The following SARAF variants were observed in gnomAD, a reference collection of about 807,000 sequenced individuals.
SARAF encodes the protein store-operated calcium entry-associated regulatory factor.
Under a neutral mutation model 39.7 loss-of-function variants are expected in SARAF, and 23 were observed. The observed-to-expected ratio is 0.58, with a 90% confidence interval of 0.42 to 0.82. SARAF has a LOEUF of 0.82. Among genes scored for constraint, SARAF ranks in the 40% least tolerant of loss-of-function variants. The pLI is 0.00. For missense variants in SARAF, 384 were observed against 418.5 expected (o/e 0.92, Z 0.72); for synonymous variants, 175 against 168.5 (o/e 1.04, Z -0.30).
At chr8:30,077,318 T>A (rs1801991168) in intron 1 of SARAF, among the ~76,000 whole-genome samples, 1 of 151,808 alleles carries the variant, frequency 6.6e-6, no homozygotes. Flanking sequence ...ATTAGCCAGG[T>A]ATGGTGGCAC....
At position 30,083,062 on chromosome 8, in the gene SARAF, AC is replaced by A; in HGVS notation, c.-114del. 1.4e-6 allele frequency: 1 copy of A among 737,174 alleles called. No homozygotes were observed. The highest frequency in any genetic ancestry group is 3.3e-5 in the East Asian group (1 of 30,492). 45.7% of individuals were successfully genotyped at this position (737,174 alleles called of 1,614,324 possible). ...CGCTACCCCTGGCGGCGGCGAAGGA[AC>A]GGCCCGACTGCAGAGCTGCAGCCGC... On this transcript the variant is annotated 5_prime_UTR_variant, in exon 1 of 6. Coordinates refer to ENST00000256255, the MANE Select transcript of SARAF (RefSeq NM_016127.6).
chr8:30,079,177 AAAG>A (rs1199818139), intron 1 of SARAF, among the ~76,000 whole-genome samples: 2 of 151,578 alleles, frequency 1.3e-5, no homozygotes, highest in Non-Finnish European at 2.9e-5. Context: ...AAAAAAAAAA[AAAG>A]ATTATAATCA....
rs201788585 is a variant in SARAF at position 30,066,864 on chromosome 8, C to G, written c.755G>C (p.Gly252Ala). 5.6e-6 allele frequency: 9 copies of G among 1,614,122 alleles called. No homozygotes were observed. In the Admixed American group the frequency reaches 1.3e-4, roughly 24 times the overall value. The part of the protein sequence containing the change: ...ATSGFGSAFT[G>A]QQGYENSGPG... Reference sequence around the variant, plus strand: ...TCCTGAATTTTCATATCCTTGTTGTCCTGTAAAAGCACTGCCAAAACCAGA... The same window carrying G: ...TCCTGAATTTTCATATCCTTGTTGTGCTGTAAAAGCACTGCCAAAACCAGA... The change falls in exon 4 of 6, where the codon GGA becomes GCA. Residue 252 changes from glycine to alanine, a missense_variant. Physicochemically the swap from Gly to Ala is moderately conservative, Grantham distance 60. Transcript: ENST00000256255.
At chr8:30,078,088 C>A (rs1802009811) in intron 1 of SARAF, 1 of 241,842 alleles carries the variant, frequency 4.1e-6, no homozygotes, top group Non-Finnish European at 7.6e-6. Flanking sequence ...TGCAGCGAGC[C>A]GAGATGGTGC....
At position 30,066,813 on chromosome 8, in the gene SARAF, G is replaced by A; in HGVS notation, c.806C>T (p.Thr269Ile). Residue 269 changes from threonine (T) to isoleucine (I), a missense_variant, in exon 4 of 6, where the codon ACT becomes ATT. By Grantham distance (89) the Thr-to-Ile change is moderately conservative. Transcript: ENST00000256255. ...SGPGFWTGLG[T>I]GGILGYLFGS... is the part of the protein sequence containing the mutation. ...AAACAAATATCCTAGTATTCCACCAGTTCCCAAGCCTGTCCAGAACCCTGG... is the reference window on the plus strand; with the variant it reads ...AAACAAATATCCTAGTATTCCACCAATTCCCAAGCCTGTCCAGAACCCTGG... 6.2e-7 allele frequency: 1 copy of A among 1,614,132 alleles called. No individual in the cohort carries two copies.
At chr8:30,068,759 C>T (rs948775332) in intron 3 of SARAF, among the ~76,000 whole-genome samples, 1 of 152,078 alleles carries the variant, frequency 6.6e-6, no homozygotes, top group African/African-American at 2.4e-5. Flanking sequence ...ACCGGAAATA[C>T]ATTTTATATA....
At chr8:30,078,123 G>A (rs1802010758) in intron 1 of SARAF, 1 of 332,192 alleles carries the variant, frequency 3.0e-6, no homozygotes, top group African/African-American at 2.7e-5. Context: ...CTGGGGGACA[G>A]AGCTAGACTC....
rs749189976 is a variant in SARAF at position 30,069,736 on chromosome 8, TG to T, written c.605del (p.Pro202HisfsTer72). 1.2e-6 allele frequency: 2 copies of T among 1,613,974 alleles called. No homozygotes were observed. The highest frequency in any genetic ancestry group is 2.2e-5 in the South Asian group (2 of 91,060). Reference protein sequence around the residue: ...LFLSDGQYSPPPYSEYPPFSH... With the variant: ...LFLSDGQYSPXPYSEYPPFSH... ...AAAATGGAGGATACTCAGAGTACGG[TG>T]GAGGAGAATACTGCCCGTCACTCAG... On this transcript the variant is annotated frameshift_variant, in exon 3 of 6. Coordinates refer to ENST00000256255, the MANE Select transcript of SARAF (RefSeq NM_016127.6). LOFTEE classifies it high-confidence loss of function.
intron 1 of SARAF, among the ~76,000 whole-genome samples, chr8:30,081,375 G>A (rs1017583429): frequency 6.6e-6 from 1 of 151,924 alleles, no homozygotes; most frequent in Non-Finnish European, 1.5e-5. Context: ...ATTTATTTAC[G>A]AACTGATTCA....
At chr8:30,064,553 A>ATTTTTTTTTTTT (rs1213352789) in intron 5 of SARAF, among the ~76,000 whole-genome samples, 3 of 47,672 alleles carry the variant, frequency 6.3e-5, no homozygotes, top group East Asian at 8.3e-4. Flanking sequence ...ATATATATAT[A>ATTTTTTTTTTTT]TATATATATT....
chr8:30,080,636 TTAATA>T (rs1455567276), intron 1 of SARAF, among the ~76,000 whole-genome samples: 3 of 152,234 alleles, frequency 2.0e-5, no homozygotes, highest in African/African-American at 7.2e-5. Flanking sequence ...GAAGAGTAAC[TTAATA>T]TAAGATTACA....
At position 30,065,604 on chromosome 8, in the gene SARAF, A is replaced by C. The variant is rs74419484; in HGVS notation, c.994+384T>G. 166 of 212,372 alleles carry C rather than the reference A, an allele frequency of 7.8e-4. 1 individual carries two copies. The East Asian group carries it at 0.017, about 22-fold the overall frequency. 13.2% of individuals were successfully genotyped at this position (212,372 alleles called of 1,614,324 possible). ...CTCTGAGCATTCCAATAAACATTAC[A>C]ATCATATTTTTGAAAATTAAAGTAT... On this transcript the variant is annotated intron_variant, in intron 5 of 5. Coordinates refer to ENST00000256255, the MANE Select transcript of SARAF (RefSeq NM_016127.6).
intron 2 of SARAF, among the ~76,000 whole-genome samples, chr8:30,073,009 A>G (rs1423113192): frequency 6.6e-6 from 1 of 152,220 alleles, no homozygotes; most frequent in Non-Finnish European, 1.5e-5. Context: ...TCTAAAAGTC[A>G]TAAGTAAAGT....
At position 30,065,582 on chromosome 8, in the gene SARAF, T is replaced by A. The variant is rs960003338; in HGVS notation, c.994+406A>T. The A allele has an allele frequency of 3.2e-5, 6 of 186,612 alleles. No homozygotes were observed. The East Asian group carries it at 8.5e-4, about 26-fold the overall frequency. The allele number at this position is 186,612 out of a possible 1,614,324, so 11.6% of individuals were successfully genotyped here. A position where few individuals can be genotyped will look rare whatever the true frequency, so the allele number is the denominator to read the frequency against. ...TCTTTGCTTTTTACAAAATATCCTC[T>A]GAGCATTCCAATAAACATTACAATC... On this transcript the variant is annotated intron_variant, in intron 5 of 5. Coordinates refer to ENST00000256255, the MANE Select transcript of SARAF (RefSeq NM_016127.6).
intron 1 of SARAF, 89 bp from the exon 2 acceptor site, chr8:30,074,144 ATGCCTTTCT>A (rs1801906484): frequency 5.6e-6 from 8 of 1,436,538 alleles, no homozygotes; most frequent in Non-Finnish European, 7.6e-6. Flanking sequence ...GTCATAGGAA[ATGCCTTTCT>A]TGCCTTCTGA....
At chr8:30,066,606 C>T (rs1156740419) in intron 4 of SARAF, among the ~76,000 whole-genome samples, 171 bp downstream of exon 4, 1 of 152,166 alleles carries the variant, frequency 6.6e-6, no homozygotes, top group Non-Finnish European at 1.5e-5. Context: ...ATAACATACA[C>T]AATACTGATC....
chr8:30,069,943 C>T lies in SARAF; in HGVS notation c.399G>A (p.Glu133=), dbSNP rs1221264277. The T allele has an allele frequency of 1.9e-6, 3 of 1,613,788 alleles. No homozygotes were observed. The highest frequency in any genetic ancestry group is 2.7e-5 in the African/African-American group (2 of 74,902). Residue 133 remains glutamate, a synonymous_variant, in exon 3 of 6, where the codon GAG becomes GAA. Coordinates refer to ENST00000256255, the MANE Select transcript of SARAF (RefSeq NM_016127.6). ...QYVLRGSCGL[E]YNLDYTELGL... ...CAAGTTCTGTATAATCTAAATTATA[C>T]TCCAAGCCACAAGAACCTCTTAGTA...
intron 1 of SARAF, among the ~76,000 whole-genome samples, chr8:30,076,839 T>C (rs1334749206): frequency 6.6e-6 from 1 of 152,178 alleles, no homozygotes; most frequent in Non-Finnish European, 1.5e-5. Context: ...CACCTTAATA[T>C]TGAACTTCTC....
intron 1 of SARAF, among the ~76,000 whole-genome samples, chr8:30,080,732 A>T (rs1802078388): frequency 6.6e-6 from 1 of 152,382 alleles, no homozygotes; most frequent in South Asian, 2.1e-4. Context: ...TTACTGCTCA[A>T]TGTGAGCTAA....
Sources: gnomAD v4.1 joint callset for allele counts (sites outside exome capture counted in the v4.1 genomes callset) on GRCh38, gnomAD v4.1.1 for gene constraint, MANE v1.5 for transcripts, NCBI Gene and HGNC (gene_info 2026-07-23, HGNC 2026-07-21) for gene names.